RPTOR: variants seen among roughly 807,000 people sequenced by gnomAD.
RPTOR encodes the protein regulatory-associated protein of mTOR.
A neutral mutation model predicts 169.9 loss-of-function variants in RPTOR; 21 were observed. The observed-to-expected ratio is 0.12, with a 90% CI of 0.09 to 0.18. The LOEUF (loss-of-function observed/expected upper bound fraction) is 0.18. Ranked by LOEUF, RPTOR falls within the 10% of genes least tolerant of loss-of-function variation. The pLI is 1.00. For synonymous variants in RPTOR, 732 were observed against 753.2 expected, an observed-to-expected ratio of 0.97 and a Z score of 0.46; for missense variants, 1,133 against 1,855.9, an observed-to-expected ratio of 0.61 and a Z score of 7.16.
intron 1 of RPTOR, among the ~76,000 whole-genome samples, chr17:80,564,056 CAT>C (rs2084539589): frequency 6.6e-6 from 1 of 150,954 alleles, no homozygotes; most frequent in African/African-American, 2.4e-5. Flanking sequence ...GGAACATTCA[CAT>C]GTCTTTTCTT....
intron 7 of RPTOR, among the ~76,000 whole-genome samples, chr17:80,799,988 G>A (rs977763863): frequency 3.3e-5 from 5 of 152,186 alleles, no homozygotes; most frequent in Admixed American, 6.5e-5. Context: ...CTGGCCCTTG[G>A]TGTGCCAGGT....
chr17:80,640,699 G>C (rs1044586240), intron 2 of RPTOR, among the ~76,000 whole-genome samples: 2 of 152,184 alleles, frequency 1.3e-5, no homozygotes, highest in Non-Finnish European at 2.9e-5. Context: ...CAGGGAAGTG[G>C]CTGCCTCCTG....
chr17:80,867,097 G>A (rs2068001427), intron 13 of RPTOR, among the ~76,000 whole-genome samples: 1 of 151,950 alleles, frequency 6.6e-6, no homozygotes, highest in African/African-American at 2.4e-5. Flanking sequence ...TTGAACACAG[G>A]TACAAAAATG....
chr17:80,668,467 A>T (rs146500470), intron 3 of RPTOR, among the ~76,000 whole-genome samples: 2 of 152,160 alleles, frequency 1.3e-5, no homozygotes, highest in Non-Finnish European at 2.9e-5. Flanking sequence ...CTCAGCATGC[A>T]CTTGTTCTCC....
At chr17:80,744,558 G>C (rs1290910155) in intron 5 of RPTOR, among the ~76,000 whole-genome samples, 1 of 88,772 alleles carries the variant, frequency 1.1e-5, no homozygotes, top group Non-Finnish European at 2.4e-5. Flanking sequence ...TACTAGCACT[G>C]TCCTGGTTAC....
In RPTOR at chr17:80,957,982, G is replaced by A. The variant is rs1042187354; in HGVS notation, c.3477+252G>A. ...CAGGCTGCGCCAGCTCTGAGTGTTT[G>A]CAAGTAGTGTCTTCTCTCTGCAAAT... On this transcript the variant is annotated intron_variant, in intron 29 of 33. Transcript: ENST00000306801. This position sits in a 1 kb window ranked among gnomAD's most constrained non-coding sequence, Gnocchi z 4.6. Among the ~76,000 whole-genome samples the A allele has an allele frequency of 9.2e-5, 14 of 152,214 alleles. No homozygotes were observed. The highest frequency in any genetic ancestry group is 3.3e-4 in the Admixed American group (5 of 15,278).
intron 24 of RPTOR, among the ~76,000 whole-genome samples, chr17:80,932,205 TC>T (rs2068906701): frequency 6.6e-6 from 1 of 151,514 alleles, no homozygotes; most frequent in African/African-American, 2.4e-5. Context: ...AGTCTGGAAT[TC>T]ATTCAGAAAT....
intron 5 of RPTOR, among the ~76,000 whole-genome samples, chr17:80,747,716 C>T (rs1317159804): frequency 6.6e-6 from 1 of 152,220 alleles, no homozygotes; most frequent in Non-Finnish European, 1.5e-5. Context: ...TTTGTCTCTC[C>T]ACCGGACAAG....
chr17:80,668,229 A>G (rs1218837110), intron 3 of RPTOR, among the ~76,000 whole-genome samples: 1 of 152,196 alleles, frequency 6.6e-6, no homozygotes, highest in African/African-American at 2.4e-5. Flanking sequence ...CAACTTGTCA[A>G]GGAGGGTGGC....
chr17:80,912,586 C>A (rs2068625725), intron 21 of RPTOR, among the ~76,000 whole-genome samples: 1 of 152,154 alleles, frequency 6.6e-6, no homozygotes, highest in African/African-American at 2.4e-5. Flanking sequence ...AGCTCTCGAG[C>A]CTGTGTAGCA....
Position 80,840,079 on chromosome 17 carries a change from G to T in RPTOR, c.1212+2082G>T, listed in dbSNP as rs545856397. Among the ~76,000 whole-genome samples the T allele has an allele frequency of 1.0e-3, 153 of 152,282 alleles. 3 individuals carry two copies. Among genetic ancestry groups the T allele is most frequent in the African/African-American group, 3.6e-3 (149 of 41,534 alleles). On this transcript the variant is annotated intron_variant, in intron 10 of 33. Transcript: ENST00000306801. ...GTACACATCATACACATACAGCTTGGTGAATGTTTCAAGCTGCACATACTC... is the reference window on the plus strand; with the variant it reads ...GTACACATCATACACATACAGCTTGTTGAATGTTTCAAGCTGCACATACTC...
chr17:80,691,464 G>A (rs2065990871), intron 3 of RPTOR, among the ~76,000 whole-genome samples: 1 of 151,776 alleles, frequency 6.6e-6, no homozygotes, highest in South Asian at 2.1e-4. Context: ...GTGCACGCAT[G>A]TCAGTGTGTG....
chr17:80,747,456 G>A (rs1291913578), intron 5 of RPTOR, among the ~76,000 whole-genome samples: 1 of 152,194 alleles, frequency 6.6e-6, no homozygotes, highest in South Asian at 2.1e-4. Context: ...ACGTACTTTG[G>A]GGGGCTTCTT....
intron 1 of RPTOR, among the ~76,000 whole-genome samples, chr17:80,552,814 TTCAAAACAAA>T (rs2084361587): frequency 1.3e-5 from 2 of 152,140 alleles, no homozygotes; most frequent in Admixed American, 1.3e-4. Context: ...CAAAGTTTAG[TTCAAAACAAA>T]ACAAAACAAA....
intron 3 of RPTOR, among the ~76,000 whole-genome samples, chr17:80,704,806 A>ATTG (rs2066130006): frequency 6.6e-6 from 1 of 152,190 alleles, no homozygotes; most frequent in Non-Finnish European, 1.5e-5. Context: ...CCACCACAGA[A>ATTG]TTTACCGTCT....
In RPTOR at chr17:80,823,277, G is replaced by C; in HGVS notation, c.1136+54G>C. The C allele has an allele frequency of 6.3e-7, 1 of 1,595,536 alleles. No homozygotes were observed. The highest frequency in any genetic ancestry group is 8.6e-7 in the Non-Finnish European group (1 of 1,168,620). On this transcript the variant is annotated intron_variant, in intron 9 of 33. Transcript: ENST00000306801. The surrounding 1 kb of genome is among the most constrained non-coding windows in gnomAD (Gnocchi z 4.5). ...GTGCTCCCCCGCCCTCCGTGGCACT[G>C]TGATGTCATGGAATTGCACGGAGCT... is the stretch of plus-strand genomic sequence containing the variant.
chr17:80,638,088 A>T (rs1309527096), intron 2 of RPTOR, among the ~76,000 whole-genome samples: 1 of 152,266 alleles, frequency 6.6e-6, no homozygotes, highest in African/African-American at 2.4e-5. Flanking sequence ...TAAGACTAGG[A>T]TCCATGCAGT....
intron 7 of RPTOR, among the ~76,000 whole-genome samples, chr17:80,795,447 C>T (rs555268544): frequency 2.6e-5 from 4 of 152,338 alleles, no homozygotes; most frequent in Admixed American, 1.3e-4. Flanking sequence ...ACCAAAGGCC[C>T]TTCTCAGCCA....
At chr17:80,685,920 C>T (rs2316067) in intron 3 of RPTOR, among the ~76,000 whole-genome samples, 26,559 of 151,522 alleles carry the variant, frequency 0.18, 3,717 homozygotes, top group African/African-American at 0.39. Flanking sequence ...TTCCAGTCCT[C>T]AGAGCTCTTC....
Sources: allele counts gnomAD v4.1 joint callset (sites outside exome capture counted in the v4.1 genomes callset), GRCh38; gene constraint gnomAD v4.1.1; non-coding constraint Gnocchi (gnomAD v3.1); transcripts MANE v1.5; gene names NCBI Gene and HGNC (gene_info 2026-07-23, HGNC 2026-07-21).